The following KIF27 variants were observed in gnomAD, a reference collection of about 807,000 sequenced individuals.
KIF27 encodes the protein kinesin family member 27, also known as kinesin-like protein KIF27.
A neutral mutation model predicts 141.8 loss-of-function variants in KIF27; 84 were observed. The observed-to-expected ratio is 0.59, with a 90% CI of 0.50 to 0.71. The LOEUF is 0.71. Ranked by LOEUF, KIF27 falls within the 30% of genes least tolerant of loss-of-function variation. The pLI is 0.00. For synonymous variants in KIF27, 471 were observed against 569.5 expected (o/e 0.83, Z 2.46); for missense variants, 1,306 against 1,628.4 (o/e 0.80, Z 3.41).
chr9:83,852,939 T>C (rs1199329319), intron 15 of KIF27, among the ~76,000 whole-genome samples: 1 of 152,222 alleles, frequency 6.6e-6, no homozygotes, highest in African/African-American at 2.4e-5. Context: ...GTGTTTTATT[T>C]TTCATTAATT....
At chr9:83,843,618 A>C (rs1472178797) in intron 16 of KIF27, among the ~76,000 whole-genome samples, 1 of 152,230 alleles carries the variant, frequency 6.6e-6, no homozygotes, top group Non-Finnish European at 1.5e-5. Context: ...CCCATAAAGT[A>C]TGTCATATTA....
At chr9:83,919,077 C>T (rs1955993068) in intron 1 of KIF27, among the ~76,000 whole-genome samples, 1 of 151,848 alleles carries the variant, frequency 6.6e-6, no homozygotes, top group Non-Finnish European at 1.5e-5. Context: ...CTGTCTCAAA[C>T]AAACAAACAA....
intron 16 of KIF27, chr9:83,847,826 C>T (rs1181400942): frequency 6.6e-6 from 1 of 151,954 alleles, no homozygotes; most frequent in African/African-American, 2.4e-5. Context: ...ACATCAGACT[C>T]CAAGTTCTTT....
At chr9:83,855,461 T>G (rs567525030) in intron 14 of KIF27, among the ~76,000 whole-genome samples, 1 of 152,278 alleles carries the variant, frequency 6.6e-6, no homozygotes, top group Admixed American at 6.5e-5. Flanking sequence ...TAAAATAATA[T>G]TCACCTTTTC....
At chr9:83,916,209 T>C (rs1440844220) in intron 1 of KIF27, among the ~76,000 whole-genome samples, 3 of 152,076 alleles carry the variant, frequency 2.0e-5, no homozygotes, top group Admixed American at 1.3e-4. Context: ...ATTTTTGTAT[T>C]TTTAGTAGAG....
chr9:83,851,912 G>A (rs1401202679), intron 15 of KIF27, among the ~76,000 whole-genome samples: 5 of 151,842 alleles, frequency 3.3e-5, no homozygotes, highest in South Asian at 2.1e-4. Context: ...GGAGGATCAC[G>A]AGGTCAGGAG....
chr9:83,910,888 G>A (rs1438146863), intron 2 of KIF27, among the ~76,000 whole-genome samples: 1 of 151,998 alleles, frequency 6.6e-6, no homozygotes, highest in Non-Finnish European at 1.5e-5. Flanking sequence ...ATTTACAGGA[G>A]CTACAAGGGG....
At chr9:83,908,726 A>G (rs1954832613) in intron 2 of KIF27, 74 bp from the exon 3 acceptor site, 4 of 869,686 alleles carry the variant, frequency 4.6e-6, no homozygotes, top group Middle Eastern at 2.4e-4. Flanking sequence ...ATTTATAGTT[A>G]ATTTATTTTA....
chr9:83,913,840 A>G (rs1184365209), intron 2 of KIF27, among the ~76,000 whole-genome samples: 1 of 152,262 alleles, frequency 6.6e-6, no homozygotes, highest in Non-Finnish European at 1.5e-5. Context: ...ACAAGTGAGT[A>G]ATATGCATCA....
At chr9:83,905,334 G>T (rs1489295844) in intron 3 of KIF27, among the ~76,000 whole-genome samples, 9 of 152,106 alleles carry the variant, frequency 5.9e-5, no homozygotes, top group Admixed American at 3.3e-4. Context: ...TAGCTAGGAT[G>T]GTCTCGATCT....
chr9:83,858,631 T>A (rs1949534301), intron 14 of KIF27: 2 of 153,048 alleles, frequency 1.3e-5, no homozygotes, highest in African/African-American at 4.8e-5. Context: ...AAAAACTGTA[T>A]AACTAAAAGG....
chr9:83,910,622 T>C (rs1392869876), intron 2 of KIF27, among the ~76,000 whole-genome samples: 1 of 152,052 alleles, frequency 6.6e-6, no homozygotes, highest in Non-Finnish European at 1.5e-5. Context: ...AGAAGACAGG[T>C]GCAGAAAGGC....
At chr9:83,878,105 A>G (rs1181444248) in intron 11 of KIF27, among the ~76,000 whole-genome samples, 1 of 140,434 alleles carries the variant, frequency 7.1e-6, no homozygotes, top group Non-Finnish European at 1.5e-5. Context: ...CGGAGCTTGC[A>G]GTGAGCCGAG....
At chr9:83,891,086 T>A (rs1952631150) in intron 6 of KIF27, among the ~76,000 whole-genome samples, 1 of 152,200 alleles carries the variant, frequency 6.6e-6, no homozygotes, top group Admixed American at 6.5e-5. Context: ...ATTATCTCCA[T>A]CCAACTATTC....
chr9:83,886,446 T>A (rs1233837054), intron 9 of KIF27, among the ~76,000 whole-genome samples: 1 of 152,120 alleles, frequency 6.6e-6, no homozygotes, highest in African/African-American at 2.4e-5. Flanking sequence ...GAGTGCTTAC[T>A]TTTCAATGCC....
intron 1 of KIF27, among the ~76,000 whole-genome samples, chr9:83,919,440 C>A (rs1387878842): frequency 6.6e-6 from 1 of 152,128 alleles, no homozygotes; most frequent in Non-Finnish European, 1.5e-5. Context: ...TGTTTGAGTG[C>A]AGATGATGAA....
At chr9:83,850,830 C>CTTTT (rs202212264) in intron 15 of KIF27, among the ~76,000 whole-genome samples, 12 of 67,510 alleles carry the variant, frequency 1.8e-4, no homozygotes, top group Non-Finnish European at 2.9e-4. Context: ...ATGACATTTT[C>CTTTT]TTTTTTTTTT....
chr9:83,871,226 T>C (rs1204638353), intron 11 of KIF27, among the ~76,000 whole-genome samples: 2 of 152,176 alleles, frequency 1.3e-5, no homozygotes, highest in African/African-American at 4.8e-5. Context: ...CAGCCTTAAT[T>C]TTTAATTGAC....
At chr9:83,870,950 A>G (rs1270164680) in intron 11 of KIF27, among the ~76,000 whole-genome samples, 13 of 152,082 alleles carry the variant, frequency 8.5e-5, no homozygotes, top group Non-Finnish European at 1.5e-5. Context: ...CTCACTCTGT[A>G]TCTAGACTAG....
Sources: gnomAD v4.1 joint callset for allele counts (sites outside exome capture counted in the v4.1 genomes callset) on GRCh38, gnomAD v4.1.1 for gene constraint, MANE v1.5 for transcripts, NCBI Gene and HGNC (gene_info 2026-07-23, HGNC 2026-07-21) for gene names.